The following PEBP4 variants were observed in gnomAD, a reference collection of about 807,000 sequenced individuals.
PEBP4 encodes phosphatidylethanolamine-binding protein 4.
In PEBP4, 22 loss-of-function variants were observed where a neutral mutation model predicts 23.9. That is an observed-to-expected ratio of 0.92 (90% CI 0.66 to 1.31). The LOEUF (loss-of-function observed/expected upper bound fraction) is 1.31, where lower values mean the gene tolerates loss of function less well. PEBP4 is among the 40% of genes most tolerant of loss of function. PEBP4 has a pLI of 0.00. For synonymous variants in PEBP4, 112 were observed against 99.3 expected (o/e 1.13, Z -0.76); for missense variants, 324 against 281.7 (o/e 1.15, Z -1.07).
chr8:22,879,444 GAGA>G (rs1407992877), intron 3 of PEBP4: 1 of 152,228 alleles, frequency 6.6e-6, no homozygotes, highest in African/African-American at 2.4e-5. Flanking sequence ...CCAGTGGGGA[GAGA>G]AGAACACCTC....
At chr8:22,890,262 C>T (rs1217365434) in intron 3 of PEBP4, among the ~76,000 whole-genome samples, 1 of 152,334 alleles carries the variant, frequency 6.6e-6, no homozygotes. Flanking sequence ...GAGACTTTCA[C>T]TAAGCTGCAG....
chr8:22,852,959 G>A (rs751224768), intron 3 of PEBP4, among the ~76,000 whole-genome samples: 1 of 152,162 alleles, frequency 6.6e-6, no homozygotes, highest in African/African-American at 2.4e-5. Context: ...CATCATTAGC[G>A]CAGCCAGATC....
intron 3 of PEBP4, among the ~76,000 whole-genome samples, chr8:22,837,077 G>A (rs1807219298): frequency 6.6e-6 from 1 of 152,084 alleles, no homozygotes; most frequent in South Asian, 2.1e-4. Context: ...ATCATCTTTC[G>A]ACTCTTCCCT....
At chr8:22,750,663 A>T (rs998138824) in intron 4 of PEBP4, among the ~76,000 whole-genome samples, 3 of 151,716 alleles carry the variant, frequency 2.0e-5, no homozygotes, top group Non-Finnish European at 2.9e-5. Flanking sequence ...CATCCTTGTG[A>T]TTGCATTCTG....
intron 3 of PEBP4, among the ~76,000 whole-genome samples, chr8:22,842,593 C>A (rs1226483923): frequency 2.6e-5 from 4 of 152,110 alleles, no homozygotes; most frequent in Admixed American, 6.5e-5. Flanking sequence ...AACACTCTTG[C>A]GATGAAATGG....
At chr8:22,930,044 T>C (rs564156272), upstream of PEBP4, among the ~76,000 whole-genome samples, 5 of 152,306 alleles carry the variant, frequency 3.3e-5, no homozygotes, top group African/African-American at 1.2e-4. Flanking sequence ...CTGCACTCTG[T>C]AGCTGCTCCA....
intron 2 of PEBP4, among the ~76,000 whole-genome samples, chr8:22,923,891 C>T (rs541643982): frequency 2.1e-4 from 32 of 152,104 alleles, no homozygotes; most frequent in Non-Finnish European, 4.1e-4. Flanking sequence ...TTGATTTTGG[C>T]GCTTCTCAGC....
At chr8:22,761,206 T>G (rs1805500179) in intron 4 of PEBP4, among the ~76,000 whole-genome samples, 1 of 152,214 alleles carries the variant, frequency 6.6e-6, no homozygotes, top group Middle Eastern at 3.4e-3. Context: ...ATCTTGCAGG[T>G]GGGCCTGCCC....
intron 1 of PEBP4, among the ~76,000 whole-genome samples, chr8:22,940,453 GA>G (rs1229296396): frequency 6.7e-6 from 1 of 148,920 alleles, no homozygotes; most frequent in South Asian, 2.1e-4. Context: ...ACGCTAGAGT[GA>G]AAAAATTGGA....
chr8:22,770,572 G>A (rs987353399), intron 4 of PEBP4, among the ~76,000 whole-genome samples: 24 of 152,334 alleles, frequency 1.6e-4, no homozygotes, highest in Admixed American at 5.9e-4. Flanking sequence ...GAGGGCCTGC[G>A]CTGGCCAGAT....
intron 3 of PEBP4, among the ~76,000 whole-genome samples, chr8:22,830,147 T>G (rs199703570): frequency 4.7e-4 from 38 of 80,940 alleles, no homozygotes; most frequent in African/African-American, 8.1e-4. Context: ...GTGTGTGTGT[T>G]TTTACGGAGT....
intron 2 of PEBP4, chr8:22,924,537 A>C: frequency 2.2e-6 from 1 of 446,676 alleles, no homozygotes; most frequent in Non-Finnish European, 3.0e-6. Flanking sequence ...TAGTTTGTGC[A>C]CCTCGTGGAT....
chr8:22,911,498 C>A (rs1292014654), intron 3 of PEBP4, among the ~76,000 whole-genome samples: 1 of 152,220 alleles, frequency 6.6e-6, no homozygotes, highest in Non-Finnish European at 1.5e-5. Flanking sequence ...CCCTCACCCA[C>A]AAGCCGGCAA....
intron 3 of PEBP4, among the ~76,000 whole-genome samples, chr8:22,864,744 G>C (rs1240932982): frequency 6.6e-6 from 1 of 152,250 alleles, no homozygotes; most frequent in Non-Finnish European, 1.5e-5. Flanking sequence ...CTCAGGAAAG[G>C]GCGGAAGGGG....
chr8:22,830,001 G>A (rs1427314677), intron 3 of PEBP4, among the ~76,000 whole-genome samples: 1 of 152,092 alleles, frequency 6.6e-6, no homozygotes, highest in Non-Finnish European at 1.5e-5. Context: ...AGTTGACGTG[G>A]CAGCCCACCC....
At chr8:22,910,368 C>A (rs564378706) in intron 3 of PEBP4, among the ~76,000 whole-genome samples, 2 of 152,260 alleles carry the variant, frequency 1.3e-5, no homozygotes, top group African/African-American at 4.8e-5. Flanking sequence ...CATCTCCCTG[C>A]GTGGGATCTG....
intron 4 of PEBP4, among the ~76,000 whole-genome samples, chr8:22,777,592 C>T (rs577983359): frequency 6.6e-6 from 1 of 152,300 alleles, no homozygotes; most frequent in South Asian, 2.1e-4. Flanking sequence ...TGCCAGCCTG[C>T]TCTAGCTCCA....
At chr8:22,835,448 G>A (rs1375526777) in intron 3 of PEBP4, among the ~76,000 whole-genome samples, 3 of 152,188 alleles carry the variant, frequency 2.0e-5, no homozygotes, top group African/African-American at 7.2e-5. Flanking sequence ...CTTTGGTGGG[G>A]CTAGAAATAA....
At chr8:22,852,919 C>A (rs865896079) in intron 3 of PEBP4, among the ~76,000 whole-genome samples, 83 of 152,318 alleles carry the variant, frequency 5.4e-4, no homozygotes, top group African/African-American at 1.9e-3. Context: ...TCCAGGAAAA[C>A]TGGAGCAAGG....
Sources: allele counts gnomAD v4.1 joint callset (sites outside exome capture counted in the v4.1 genomes callset), GRCh38; gene constraint gnomAD v4.1.1; transcripts MANE v1.5; gene names NCBI Gene and HGNC (gene_info 2026-07-23, HGNC 2026-07-21).